Variants in PFKFB2 observed in about 807,000 individuals in gnomAD.
PFKFB2 encodes the protein 6-phosphofructo-2-kinase/fructose-2,6-biphosphatase 2.
In PFKFB2, 53 loss-of-function variants were observed where a neutral mutation model predicts 68.0. The ratio of observed to expected loss-of-function variants is 0.78; its 90% confidence interval spans 0.63 to 0.98. PFKFB2 has a LOEUF of 0.98. Ranked by LOEUF, PFKFB2 falls within the 50% of genes least tolerant of loss-of-function variation. The probability of loss-of-function intolerance (pLI) is 0.00; values close to 1 mark genes in which losing one functional copy is unlikely to be tolerated. For missense variants in PFKFB2, 451 were observed against 642.0 expected (o/e 0.70, Z 3.22); for synonymous variants, 222 against 227.6 (o/e 0.98, Z 0.22).
rs1186611260 is a variant in PFKFB2 at position 207,074,629 on chromosome 1, T to A, written c.*2258T>A. The A allele has an allele frequency of 1.0e-6, 1 of 985,262 alleles. No individual in the cohort carries two copies. Among genetic ancestry groups the A allele is most frequent in the Non-Finnish European group, 1.2e-6 (1 of 829,876 alleles). The allele number at this position is 985,262 out of a possible 1,614,324, so 61.0% of individuals were successfully genotyped here. A position where few individuals can be genotyped will look rare whatever the true frequency, so the allele number is the denominator to read the frequency against. ...ATTGTGTCCAAGATGTTAAGTAACC[T>A]GCTATTCCTGTTTAGTGGTTACATA... On this transcript the variant is annotated 3_prime_UTR_variant, in exon 15 of 15. Transcript: ENST00000367080.
At position 207,072,084 on chromosome 1, in the gene PFKFB2, C is replaced by T. The variant is rs1453687387; in HGVS notation, c.1351-120C>T. On this transcript the variant is annotated intron_variant, in intron 14 of 14. Coordinates refer to ENST00000367080, the MANE Select transcript of PFKFB2 (RefSeq NM_006212.2). ...CCATGGGCCATGCCCTGTGAGGGAC[C>T]CTGTGTGCAGAGGAGCAGGAGTGAG... 5.9e-5 allele frequency: 89 copies of T among 1,505,662 alleles called. 1 individual carries two copies. The highest frequency in any genetic ancestry group is 8.9e-7 in the Non-Finnish European group (1 of 1,126,474). 93.3% of individuals were successfully genotyped at this position (1,505,662 alleles called of 1,614,324 possible). A position where few individuals can be genotyped will look rare whatever the true frequency, so the allele number is the denominator to read the frequency against.
At position 207,072,312 on chromosome 1, in the gene PFKFB2, C is replaced by T. The variant is rs776741129; in HGVS notation, c.1459C>T (p.Arg487Trp). 1.4e-5 allele frequency: 22 copies of T among 1,614,010 alleles called. No individual in the cohort carries two copies. Among genetic ancestry groups the T allele is most frequent in the East Asian group, 1.1e-4 (5 of 44,890 alleles). The change falls in exon 15 of 15, where the codon CGG becomes TGG. Residue 487 changes from arginine (R) to tryptophan (W), a missense_variant. Transcript: ENST00000367080. ...RRPRNYSVGS[R>W]PLKPLSPLRA... The stretch of plus-strand genomic sequence containing the variant: ...TCCAAGAAATTACAGTGTTGGGAGC[C>T]GGCCCCTCAAGCCCCTCAGCCCTCT...
downstream of PFKFB2, among the ~76,000 whole-genome samples, chr1:207,078,541 A>G (rs1297628653): frequency 2.0e-5 from 3 of 152,250 alleles, no homozygotes; most frequent in African/African-American, 4.8e-5. Context: ...ATGGACTCGT[A>G]TAACTAAAAT....
rs1199888660 is a variant in PFKFB2, at chr1:207,063,084, T to G, written c.309-59T>G. ...TGACTTCTGTAGCCACCCGAATGTT[T>G]GTGTCTCTGACTGTTTGAGCTTAGC... On this transcript the variant is annotated intron_variant, in intron 4 of 14. Transcript: ENST00000367080. The surrounding 1 kb of genome is among the most constrained non-coding windows in gnomAD (Gnocchi z 4.1). The G allele has an allele frequency of 1.4e-6, 2 of 1,410,048 alleles. No individual in the cohort carries two copies. Among genetic ancestry groups the G allele is most frequent in the Admixed American group, 3.3e-5 (2 of 59,770 alleles). The allele number at this position is 1,410,048 out of a possible 1,614,324, so 87.3% of individuals were successfully genotyped here. A position where few individuals can be genotyped will look rare whatever the true frequency, so the allele number is the denominator to read the frequency against.
Position 207,076,592 on chromosome 1 carries a change from T to A in PFKFB2, c.*4221T>A, listed in dbSNP as rs767946985. ...CCAGGGATTTAATTTAGACCCATAC[T>A]GTCCAGGAGACTGTCTCTAGTTGGA... On this transcript the variant is annotated 3_prime_UTR_variant, in exon 15 of 15. Coordinates refer to ENST00000367080, the MANE Select transcript of PFKFB2 (RefSeq NM_006212.2). 1.8e-4 allele frequency: 176 copies of A among 985,348 alleles called. No individual in the cohort carries two copies. The highest frequency in any genetic ancestry group is 5.2e-4 in the Middle Eastern group (1 of 1,936). 61.0% of individuals were successfully genotyped at this position (985,348 alleles called of 1,614,324 possible).
chr1:207,057,313 A>C (rs964090012), intron 2 of PFKFB2, among the ~76,000 whole-genome samples: 14 of 147,940 alleles, frequency 9.5e-5, no homozygotes, highest in Admixed American at 5.4e-4. Flanking sequence ...AAAAAAAAAA[A>C]AAAAAAAAAA....
chr1:207,079,165 C>A, downstream of PFKFB2: 1 of 701,050 alleles, frequency 1.4e-6, no homozygotes, highest in South Asian at 1.6e-5. Flanking sequence ...GAAACGTCAC[C>A]ATATTTCCTC....
In PFKFB2 at chr1:207,070,352, A is replaced by G. The variant is rs1683430417; in HGVS notation, c.1165A>G (p.Ile389Val). The G allele has an allele frequency of 6.2e-7, 1 of 1,613,790 alleles. No homozygotes were observed. The highest frequency in any genetic ancestry group is 8.5e-7 in the Non-Finnish European group (1 of 1,179,986). The change falls in exon 12 of 15, where the codon ATC becomes GTC. Residue 389 changes from isoleucine (I) to valine (V), a missense_variant. Transcript: ENST00000367080. The surrounding 1 kb of genome is among the most constrained non-coding windows in gnomAD (Gnocchi z 4.2). ...GGAACGTCAGGGCAATGTCCTCGTC[A>G]TCTCCCACCAGGCTGTCATGCGCTG... is the stretch of plus-strand genomic sequence containing the variant. ...ELERQGNVLVISHQAVMRCLL... is the reference protein window; with the variant it reads ...ELERQGNVLVVSHQAVMRCLL...
At position 207,073,560 on chromosome 1, in the gene PFKFB2, T is replaced by A; in HGVS notation, c.*1189T>A. 1 of 985,194 alleles carries A rather than the reference T, an allele frequency of 1.0e-6. No homozygotes were observed. Among genetic ancestry groups the A allele is most frequent in the African/African-American group, 1.7e-5 (1 of 57,366 alleles). The allele number at this position is 985,194 out of a possible 1,614,324, so 61.0% of individuals were successfully genotyped here. Reference sequence around the variant, plus strand: ...TTTACATGACCATTTTTTTCCCAAATGTGGAAAAGCTTGATGATGAATTTA... The same window carrying A: ...TTTACATGACCATTTTTTTCCCAAAAGTGGAAAAGCTTGATGATGAATTTA... On this transcript the variant is annotated 3_prime_UTR_variant, in exon 15 of 15. Transcript: ENST00000367080.
At chr1:207,067,293 T>TA (rs1402659586) in intron 8 of PFKFB2, among the ~76,000 whole-genome samples, 2 of 152,240 alleles carry the variant, frequency 1.3e-5, no homozygotes, top group African/African-American at 2.4e-5. Context: ...GGTACAAACT[T>TA]ACTAGAAGTT....
At chr1:207,064,815 G>A (rs531529290) in intron 7 of PFKFB2, among the ~76,000 whole-genome samples, 1 of 151,368 alleles carries the variant, frequency 6.6e-6, no homozygotes, top group African/African-American at 2.4e-5. Context: ...CTTCAGCCAA[G>A]TGCAGGCACA....
chr1:207,040,560 C>T (rs890858134), intron 1 of PFKFB2, among the ~76,000 whole-genome samples: 11 of 151,446 alleles, frequency 7.3e-5, no homozygotes, highest in Non-Finnish European at 1.5e-4. Flanking sequence ...ATGAGGAAAT[C>T]ATAAAAGTTT....
Position 207,077,217 on chromosome 1 carries a change from C to G in PFKFB2, c.*4846C>G. ...GAAGCTTCTGTGTCCCCAGCTTACC[C>G]TGTTCTGAAATGTTGTATTCCATTG... On this transcript the variant is annotated 3_prime_UTR_variant, in exon 15 of 15. Transcript: ENST00000367080. 1 of 985,298 alleles carries G rather than the reference C, an allele frequency of 1.0e-6. No homozygotes were observed. Among genetic ancestry groups the G allele is most frequent in the Non-Finnish European group, 1.2e-6 (1 of 829,878 alleles). The allele number at this position is 985,298 out of a possible 1,614,324, so 61.0% of individuals were successfully genotyped here. A position where few individuals can be genotyped will look rare whatever the true frequency, so the allele number is the denominator to read the frequency against.
chr1:207,077,475 T>G lies in PFKFB2; in HGVS notation c.*5104T>G. On this transcript the variant is annotated 3_prime_UTR_variant, in exon 15 of 15. Transcript: ENST00000367080. ...ATATTGACCTAACAAGAAGATCAAC[T>G]TATGCTGGTATGGTGATGGTTTTGC... 1.0e-6 allele frequency: 1 copy of G among 985,364 alleles called. No homozygotes were observed. The highest frequency in any genetic ancestry group is 4.7e-5 in the South Asian group (1 of 21,282). The allele number at this position is 985,364 out of a possible 1,614,324, so 61.0% of individuals were successfully genotyped here. A position where few individuals can be genotyped will look rare whatever the true frequency, so the allele number is the denominator to read the frequency against.
At chr1:207,042,718 C>T (rs1480611076) in intron 2 of PFKFB2, among the ~76,000 whole-genome samples, 1 of 152,060 alleles carries the variant, frequency 6.6e-6, no homozygotes, top group Non-Finnish European at 1.5e-5. Flanking sequence ...AACTATAAAG[C>T]CAGGTTTTCC....
chr1:207,078,452 G>A (rs958946984), downstream of PFKFB2, among the ~76,000 whole-genome samples: 2 of 152,142 alleles, frequency 1.3e-5, no homozygotes, highest in Non-Finnish European at 2.9e-5. Context: ...CTGTTCTAGG[G>A]GAAAAATTTC....
At chr1:207,048,838 T>A (rs189455551), upstream of PFKFB2, 1,384 of 614,302 alleles carry the variant, frequency 2.3e-3, 11 homozygotes, top group Non-Finnish European at 2.2e-3. Flanking sequence ...TAGACACACA[T>A]CTGTAAACTT....
At chr1:207,052,133 CG>C (rs1682767662), upstream of PFKFB2, 1 of 1,551,686 alleles carries the variant, frequency 6.4e-7, no homozygotes, top group African/African-American at 1.4e-5. Context: ...AAGCATCAAA[CG>C]GGCCCGCTGG....
chr1:207,050,848 C>T, upstream of PFKFB2: 1 of 1,612,920 alleles, frequency 6.2e-7, no homozygotes, highest in Non-Finnish European at 8.5e-7. Flanking sequence ...TGGACAGCCC[C>T]TGCAAAACAT....
Sources: gnomAD v4.1 joint callset for allele counts (sites outside exome capture counted in the v4.1 genomes callset) on GRCh38, gnomAD v4.1.1 for gene constraint, Gnocchi (gnomAD v3.1) non-coding constraint, MANE v1.5 for transcripts, NCBI Gene and HGNC (gene_info 2026-07-23, HGNC 2026-07-21) for gene names.